Variants in ODAD2 observed in about 807,000 individuals in gnomAD.
ODAD2 encodes outer dynein arm docking complex subunit 2, also known as outer dynein arm-docking complex subunit 2.
ODAD2 carries 89 observed loss-of-function variants against 106.8 expected under a neutral mutation model. The observed-to-expected ratio is 0.83, with a 90% CI of 0.70 to 0.99. The LOEUF is 0.99. Among genes scored for constraint, ODAD2 ranks in the 50% least tolerant of loss-of-function variants. The pLI is 0.00. For synonymous variants in ODAD2, 404 were observed against 436.2 expected (o/e 0.93, Z 0.92); for missense variants, 1,168 against 1,238.5 (o/e 0.94, Z 0.85).
intron 17 of ODAD2, among the ~76,000 whole-genome samples, chr10:27,876,832 C>A (rs528125448): frequency 7.9e-5 from 12 of 152,320 alleles, no homozygotes; most frequent in Non-Finnish European, 1.3e-4. Context: ...CCCTGATGAA[C>A]TTCTTGAGCT....
intron 19 of ODAD2, among the ~76,000 whole-genome samples, chr10:27,827,149 T>A (rs1453248433): frequency 2.0e-5 from 3 of 152,150 alleles, no homozygotes; most frequent in Admixed American, 6.5e-5. Context: ...TGATTGTTTG[T>A]TAGTATTTTC....
At chr10:27,970,134 A>AAATACATG (rs1848749777) in intron 8 of ODAD2, among the ~76,000 whole-genome samples, 1 of 147,260 alleles carries the variant, frequency 6.8e-6, no homozygotes, top group African/African-American at 2.6e-5. Flanking sequence ...ATAAATAAAT[A>AAATACATG]AATAAATAAA....
In ODAD2 at chr10:27,961,610, T is replaced by G. The variant is rs373921442; in HGVS notation, c.1344A>C (p.Pro448=). 16 of 1,612,566 alleles carry G rather than the reference T, an allele frequency of 9.9e-6. No individual in the cohort carries two copies. The highest frequency in any genetic ancestry group is 1.4e-5 in the Non-Finnish European group (16 of 1,179,324). Residue 448 remains proline (P), a synonymous_variant, in exon 10 of 20, where the codon CCA becomes CCC. Coordinates refer to ENST00000305242, the MANE Select transcript of ODAD2 (RefSeq NM_018076.5). The stretch of plus-strand genomic sequence containing the variant: ...GCTTCTGAATTTGCCAATATTCTGA[T>G]GGCAAATCTGCACTTGCTTCCTGAC... The part of the protein sequence containing the change: ...DHRQEASADL[P]SEYWQIQKLV...
intron 2 of ODAD2, among the ~76,000 whole-genome samples, chr10:27,989,020 C>G (rs1250788375): frequency 6.6e-6 from 1 of 152,076 alleles, no homozygotes; most frequent in African/African-American, 2.4e-5. Context: ...AGCCATGAGC[C>G]ATGAGTCATG....
intron 17 of ODAD2, among the ~76,000 whole-genome samples, chr10:27,885,529 A>G (rs372131381): frequency 6.2e-5 from 1 of 16,032 alleles, no homozygotes; most frequent in Non-Finnish European, 1.1e-4. Flanking sequence ...AAAAAAAAAA[A>G]AAAAATATAT....
At chr10:27,970,549 A>G (rs192102319) in intron 8 of ODAD2, among the ~76,000 whole-genome samples, 36 of 152,316 alleles carry the variant, frequency 2.4e-4, no homozygotes, top group Non-Finnish European at 3.8e-4. Flanking sequence ...TCTTCCCTTC[A>G]CAGTGCTCCA....
chr10:27,977,333 G>A (rs1175900915), intron 7 of ODAD2, among the ~76,000 whole-genome samples: 3 of 151,768 alleles, frequency 2.0e-5, no homozygotes, highest in African/African-American at 7.3e-5. Flanking sequence ...GAGAGGCCAA[G>A]GTCGGCAGAT....
intron 19 of ODAD2, among the ~76,000 whole-genome samples, chr10:27,822,615 T>A (rs1439622077): frequency 2.6e-5 from 4 of 152,212 alleles, no homozygotes; most frequent in Non-Finnish European, 4.4e-5. Context: ...CACTGCAGTT[T>A]CTTGCACATC....
At chr10:27,984,588 T>G (rs964701704) in intron 4 of ODAD2, among the ~76,000 whole-genome samples, 2 of 152,184 alleles carry the variant, frequency 1.3e-5, no homozygotes, top group African/African-American at 4.8e-5. Context: ...CTACATGATA[T>G]CTGCATTATA....
chr10:27,942,819 T>A (rs1199149068), intron 12 of ODAD2, among the ~76,000 whole-genome samples: 1 of 152,236 alleles, frequency 6.6e-6, no homozygotes, highest in African/African-American at 2.4e-5. Flanking sequence ...TTATTACATA[T>A]TTCACCATCT....
intron 16 of ODAD2, among the ~76,000 whole-genome samples, chr10:27,927,704 C>T (rs1845346110): frequency 6.6e-6 from 1 of 152,068 alleles, no homozygotes; most frequent in Non-Finnish European, 1.5e-5. Context: ...TTTAAACACT[C>T]TATTGCCTGT....
intron 3 of ODAD2, among the ~76,000 whole-genome samples, chr10:27,986,898 G>A (rs890791629): frequency 6.6e-6 from 1 of 152,222 alleles, no homozygotes; most frequent in Admixed American, 6.5e-5. Context: ...GAATATGGCT[G>A]AGAAAAGTGG....
intron 10 of ODAD2, among the ~76,000 whole-genome samples, chr10:27,946,396 A>G (rs549077946): frequency 2.6e-5 from 4 of 151,882 alleles, no homozygotes; most frequent in African/African-American, 9.6e-5. Context: ...ATTTTTAAAA[A>G]TTTATATATA....
At chr10:27,950,028 A>T (rs141080754) in intron 10 of ODAD2, among the ~76,000 whole-genome samples, 2,540 of 152,276 alleles carry the variant, frequency 0.017, 48 homozygotes, top group Middle Eastern at 0.068. Flanking sequence ...TCAGGACCAG[A>T]GGCCTCTTGT....
At chr10:27,812,776 T>C in intron 19 of ODAD2, 151 bp from the exon 20 acceptor site, 1 of 1,211,742 alleles carries the variant, frequency 8.3e-7, no homozygotes, top group African/African-American at 1.6e-5. Context: ...AATACGAATA[T>C]AAACAGTGTT....
intron 17 of ODAD2, among the ~76,000 whole-genome samples, chr10:27,903,856 T>C (rs1843389404): frequency 6.6e-6 from 1 of 152,124 alleles, no homozygotes; most frequent in African/African-American, 2.4e-5. Context: ...TTCCATGAGT[T>C]CTATGGTCAC....
At chr10:27,991,956 T>G (rs1288385024) in intron 2 of ODAD2, among the ~76,000 whole-genome samples, 2 of 152,300 alleles carry the variant, frequency 1.3e-5, no homozygotes, top group East Asian at 3.9e-4. Context: ...GGGACTGTTT[T>G]GATAATAAAT....
intron 19 of ODAD2, 141 bp downstream of exon 19, chr10:27,860,484 C>T: frequency 1.4e-6 from 1 of 726,474 alleles, no homozygotes; most frequent in Admixed American, 2.7e-5. Flanking sequence ...TAACACATGG[C>T]TTGAATGCAG....
At chr10:27,856,903 G>T (rs1839693357) in intron 19 of ODAD2, among the ~76,000 whole-genome samples, 1 of 152,100 alleles carries the variant, frequency 6.6e-6, no homozygotes, top group Non-Finnish European at 1.5e-5. Flanking sequence ...GGAGGCGGGG[G>T]TTGCAGTGAG....
Sources: allele counts gnomAD v4.1 joint callset (sites outside exome capture counted in the v4.1 genomes callset), GRCh38; gene constraint gnomAD v4.1.1; transcripts MANE v1.5; gene names NCBI Gene and HGNC (gene_info 2026-07-23, HGNC 2026-07-21).